Variants in ID1 observed in about 807,000 individuals in gnomAD.
ID1 encodes inhibitor of DNA binding 1, also known as DNA-binding protein inhibitor ID-1.
In ID1, 8 loss-of-function variants were observed where a neutral mutation model predicts 11.3. The observed-to-expected ratio is 0.71, with a 90% CI of 0.42 to 1.28. The LOEUF is 1.28. Among genes scored for constraint, ID1 ranks in the 50% most tolerant of loss-of-function variants. The probability of loss-of-function intolerance (pLI) is 0.01; values close to 1 mark genes in which losing one functional copy is unlikely to be tolerated. For synonymous variants in ID1, 176 were observed against 100.2 expected (o/e 1.76, Z -4.52); for missense variants, 347 against 219.8 (o/e 1.58, Z -3.66).
In ID1 at chr20:31,605,689, A is replaced by G. The variant is rs1448307567; in HGVS notation, c.302A>G (p.Tyr101Cys). Residue 101 changes from tyrosine (Y) to cysteine (C), a missense_variant, in exon 1 of 2, where the codon TAC becomes TGC. Transcript: ENST00000376112. Reference sequence around the variant, plus strand: ...GAGATTCTCCAGCACGTCATCGACTACATCAGGGACCTTCAGTTGGAGCTG... The same window carrying G: ...GAGATTCTCCAGCACGTCATCGACTGCATCAGGGACCTTCAGTTGGAGCTG... ...KVEILQHVID[Y>C]IRDLQLELNS... 1 of 1,611,636 alleles carries G rather than the reference A, an allele frequency of 6.2e-7. No homozygotes were observed. Among genetic ancestry groups the G allele is most frequent in the Non-Finnish European group, 8.5e-7 (1 of 1,178,888 alleles).
rs1395152678 is a variant in ID1, at chr20:31,606,317, G to A, written c.*223G>A. ...CCTACTAGTCACCAGAGACTTTAGG[G>A]GGTGGGATTCCACTCGTGTGTTTCT... On this transcript the variant is annotated 3_prime_UTR_variant, in exon 2 of 2. Coordinates refer to ENST00000376112, the MANE Select transcript of ID1 (RefSeq NM_002165.4). The A allele has an allele frequency of 8.6e-6, 5 of 581,602 alleles. No individual in the cohort carries two copies. Among genetic ancestry groups the A allele is most frequent in the African/African-American group, 7.5e-5 (4 of 53,214 alleles). The allele number at this position is 581,602 out of a possible 1,614,324, so 36.0% of individuals were successfully genotyped here. A position where few individuals can be genotyped will look rare whatever the true frequency, so the allele number is the denominator to read the frequency against.
Position 31,605,415 on chromosome 20 carries a change from A to C in ID1, c.28A>C (p.Thr10Pro). 3.1e-6 allele frequency: 5 copies of C among 1,604,176 alleles called. No homozygotes were observed. The highest frequency in any genetic ancestry group is 8.5e-7 in the Non-Finnish European group (1 of 1,177,826). MKVASGSTA[T>P]AAAGPSCALK... ...GAAAGTCGCCAGTGGCAGCACCGCC[A>C]CCGCCGCCGCGGGCCCCAGCTGCGC... The change falls in exon 1 of 2, where the codon ACC becomes CCC. Residue 10 changes from threonine to proline, a missense_variant. Physicochemically the swap from Thr to Pro is conservative, Grantham distance 38 (BLOSUM62 -1). Transcript: ENST00000376112.
At chr20:31,605,996 G>A (rs1986093253) in intron 1 of ID1, 57 bp from the exon 2 acceptor site, 6 of 1,610,778 alleles carry the variant, frequency 3.7e-6, no homozygotes, top group Non-Finnish European at 5.1e-6. Flanking sequence ...GGCGTTCGCT[G>A]CGCTCGGAGC....
rs976081359 is a variant in ID1 at position 31,605,992 on chromosome 20, C to T, written c.427-61C>T. 1.1e-5 allele frequency: 17 copies of T among 1,611,192 alleles called. No homozygotes were observed. In the Admixed American group the frequency reaches 1.2e-4, roughly 11 times the overall value. ...CGTGCTTCCTGGGGAAGGGGGCGTT[C>T]GCTGCGCTCGGAGCGGCGTCCCTTC... On this transcript the variant is annotated intron_variant, in intron 1 of 1. Coordinates refer to ENST00000376112, the MANE Select transcript of ID1 (RefSeq NM_002165.4).
rs542914436 is a variant in ID1 at position 31,605,523 on chromosome 20, G to A, written c.136G>A (p.Ala46Thr). ...SEQSVAISRCAGGAGARLPAL... is the reference protein window; with the variant it reads ...SEQSVAISRCTGGAGARLPAL... ...GCAGAGCGTGGCCATCTCGCGCTGC[G>A]CCGGGGGCGCCGGGGCGCGCCTGCC... The change falls in exon 1 of 2, where the codon GCC becomes ACC. Residue 46 changes from alanine (A) to threonine (T), a missense_variant. Ala to Thr is a moderately conservative substitution (Grantham distance 58). Transcript: ENST00000376112. 2 of 1,560,484 alleles carry A rather than the reference G, an allele frequency of 1.3e-6. No homozygotes were observed. The highest frequency in any genetic ancestry group is 1.7e-6 in the Non-Finnish European group (2 of 1,150,620).
Position 31,605,721 on chromosome 20 carries a change from G to A in ID1, c.334G>A (p.Glu112Lys). 1.2e-6 allele frequency: 2 copies of A among 1,611,352 alleles called. No individual in the cohort carries two copies. The highest frequency in any genetic ancestry group is 1.7e-6 in the Non-Finnish European group (2 of 1,178,762). ...GGACCTTCAGTTGGAGCTGAACTCG[G>A]AATCCGAAGTTGGAACCCCCGGGGG... The part of the protein sequence containing the change: ...IRDLQLELNS[E>K]SEVGTPGGRG... Residue 112 changes from glutamate (E) to lysine (K), a missense_variant, in exon 1 of 2, where the codon GAA becomes AAA. Coordinates refer to ENST00000376112, the MANE Select transcript of ID1 (RefSeq NM_002165.4).
In ID1 at chr20:31,605,799, G is replaced by T. The variant is rs759193670; in HGVS notation, c.412G>T (p.Ala138Ser). 3 of 1,611,250 alleles carry T rather than the reference G, an allele frequency of 1.9e-6. No homozygotes were observed. The highest frequency in any genetic ancestry group is 2.2e-5 in the South Asian group (2 of 90,574). ...PLSTLNGEIS[A>S]LTAEAACVPA... Reference sequence around the variant, plus strand: ...CAGCACCCTCAACGGCGAGATCAGCGCCCTGACGGCCGAGGTGAGATCCAG... The same window carrying T: ...CAGCACCCTCAACGGCGAGATCAGCTCCCTGACGGCCGAGGTGAGATCCAG... The change falls in exon 1 of 2, where the codon GCC (alanine) becomes TCC (serine). Residue 138 changes from alanine (A) to serine (S), a missense_variant. Physicochemically the swap from Ala to Ser is moderately conservative, Grantham distance 99. Coordinates refer to ENST00000376112, the MANE Select transcript of ID1 (RefSeq NM_002165.4).
chr20:31,605,978 G>C (rs1336740342), intron 1 of ID1, 75 bp from the exon 2 acceptor site: 2 of 1,610,460 alleles, frequency 1.2e-6, no homozygotes, highest in Non-Finnish European at 1.7e-6. Flanking sequence ...GTGCTTCCTG[G>C]GGAAGGGGGC....
At position 31,606,079 on chromosome 20, in the gene ID1, C is replaced by T. The variant is rs778483048; in HGVS notation, c.453C>T (p.Arg151=). 1 of 1,609,368 alleles carries T rather than the reference C, an allele frequency of 6.2e-7. No homozygotes were observed. The highest frequency in any genetic ancestry group is 8.5e-7 in the Non-Finnish European group (1 of 1,180,004). The change falls in exon 2 of 2, where the codon CGC becomes CGT. Residue 151 remains arginine (R), a synonymous_variant. Coordinates refer to ENST00000376112, the MANE Select transcript of ID1 (RefSeq NM_002165.4). ...AEAACVPADD[R]ILCR Reference sequence around the variant, plus strand: ...CGGCATGCGTTCCTGCGGACGATCGCATCTTGTGTCGCTGAAGCGCCTCCC... The same window carrying T: ...CGGCATGCGTTCCTGCGGACGATCGTATCTTGTGTCGCTGAAGCGCCTCCC...
Position 31,606,388 on chromosome 20 carries a change from T to G in ID1, c.*294T>G. The G allele has an allele frequency of 1.9e-6, 1 of 513,460 alleles. No homozygotes were observed. Among genetic ancestry groups the G allele is most frequent in the Non-Finnish European group, 3.6e-6 (1 of 280,570 alleles). 31.8% of individuals were successfully genotyped at this position (513,460 alleles called of 1,614,324 possible). A position where few individuals can be genotyped will look rare whatever the true frequency, so the allele number is the denominator to read the frequency against. On this transcript the variant is annotated 3_prime_UTR_variant, in exon 2 of 2. Coordinates refer to ENST00000376112, the MANE Select transcript of ID1 (RefSeq NM_002165.4). ...TTTAAAAAATGGTCACGTTTGGTGC[T>G]TCTCAGATTTCTGAGGAAATTGCTT...
chr20:31,605,982 A>AGGGGGCGTTCGCTGCGCTCGG, intron 1 of ID1, 71 bp from the exon 2 acceptor site: 1 of 1,610,712 alleles, frequency 6.2e-7, no homozygotes, highest in African/African-American at 1.3e-5. Context: ...TTCCTGGGGA[A>AGGGGGCGTTCGCTGCGCTCGG]GGGGGCGTTC....
In ID1 at chr20:31,605,450, C is replaced by G. The variant is rs370797817; in HGVS notation, c.63C>G (p.Ala21=). ...AAAGPSCALK[A]GKTASGAGEV... ...CGGGCCCCAGCTGCGCGCTGAAGGC[C>G]GGCAAGACAGCGAGCGGTGCGGGCG... The change falls in exon 1 of 2, where the codon GCC becomes GCG. Residue 21 remains alanine, a synonymous_variant. Transcript: ENST00000376112. The G allele has an allele frequency of 5.6e-6, 9 of 1,609,094 alleles. No individual in the cohort carries two copies. The highest frequency in any genetic ancestry group is 2.7e-5 in the African/African-American group (2 of 74,844).
rs575283626 is a variant in ID1, at chr20:31,605,318, G to C, written c.-70G>C. The C allele has an allele frequency of 3.6e-6, 5 of 1,406,114 alleles. No homozygotes were observed. The highest frequency in any genetic ancestry group is 4.0e-5 in the Admixed American group (2 of 49,726). The allele number at this position is 1,406,114 out of a possible 1,614,324, so 87.1% of individuals were successfully genotyped here. On this transcript the variant is annotated 5_prime_UTR_variant, in exon 1 of 2. Coordinates refer to ENST00000376112, the MANE Select transcript of ID1 (RefSeq NM_002165.4). ...CACGTTCTTAACTGTTCCATTTTCC[G>C]TATCTGCTTCGGGCTTCCACCTCAT...
In ID1 at chr20:31,606,283, C is replaced by G. The variant is rs1010350267; in HGVS notation, c.*189C>G. On this transcript the variant is annotated 3_prime_UTR_variant, in exon 2 of 2. Transcript: ENST00000376112. ...GCACTGGCGAGGAGAGGGCGCTCCT[C>G]TCTGCACACCTACTAGTCACCAGAG... 6 of 621,886 alleles carry G rather than the reference C, an allele frequency of 9.6e-6. No homozygotes were observed. The highest frequency in any genetic ancestry group is 2.0e-5 in the South Asian group (1 of 50,730). 38.5% of individuals were successfully genotyped at this position (621,886 alleles called of 1,614,324 possible). A position where few individuals can be genotyped will look rare whatever the true frequency, so the allele number is the denominator to read the frequency against.
chr20:31,605,401 G>C lies in ID1; in HGVS notation c.14G>C (p.Ser5Thr), dbSNP rs778483195. 8.7e-6 allele frequency: 14 copies of C among 1,601,964 alleles called. No individual in the cohort carries two copies. The highest frequency in any genetic ancestry group is 1.2e-5 in the Non-Finnish European group (14 of 1,177,766). The change falls in exon 1 of 2, where the codon AGT becomes ACT. Residue 5 changes from serine to threonine, a missense_variant. Physicochemically the swap from Ser to Thr is moderately conservative, Grantham distance 58. Transcript: ENST00000376112. The part of the protein sequence containing the change: MKVA[S>T]GSTATAAAGP... ...TCGCCAAGAATCATGAAAGTCGCCA[G>C]TGGCAGCACCGCCACCGCCGCCGCG...
In ID1 at chr20:31,605,762, C is replaced by G; in HGVS notation, c.375C>G (p.Val125=). The change falls in exon 1 of 2, where the codon GTC becomes GTG. Residue 125 remains valine, a synonymous_variant. Coordinates refer to ENST00000376112, the MANE Select transcript of ID1 (RefSeq NM_002165.4). The stretch of plus-strand genomic sequence containing the variant: ...CCCCCGGGGGCCGAGGGCTGCCGGT[C>G]CGGGCTCCGCTCAGCACCCTCAACG... ...VGTPGGRGLP[V]RAPLSTLNGE... The G allele has an allele frequency of 6.2e-7, 1 of 1,610,324 alleles. No homozygotes were observed. The highest frequency in any genetic ancestry group is 8.5e-7 in the Non-Finnish European group (1 of 1,178,354).
Sources: gnomAD v4.1 joint callset for allele counts on GRCh38, gnomAD v4.1.1 for gene constraint, MANE v1.5 for transcripts, NCBI Gene and HGNC (gene_info 2026-07-23, HGNC 2026-07-21) for gene names.